The following BCO2 variants were observed in gnomAD, a reference collection of about 807,000 sequenced individuals.
BCO2 encodes the protein carotenoid-cleaving dioxygenase, mitochondrial.
In BCO2, 56 loss-of-function variants were observed where a neutral mutation model predicts 65.8. That is an observed-to-expected ratio of 0.85 (90% confidence interval 0.69 to 1.06). The LOEUF is 1.06. Ranked by LOEUF, BCO2 falls within the 50% of genes least tolerant of loss-of-function variation. The pLI is 0.00. For synonymous variants in BCO2, 233 were observed against 242.3 expected (o/e 0.96, Z 0.36); for missense variants, 675 against 698.5 (o/e 0.97, Z 0.38).
intron 8 of BCO2, among the ~76,000 whole-genome samples, chr11:112,209,443 G>A (rs1038649146): frequency 2.6e-5 from 4 of 152,014 alleles, no homozygotes; most frequent in African/African-American, 9.7e-5. Flanking sequence ...TCTTTTTATC[G>A]CTGAAATGTG....
intron 8 of BCO2, among the ~76,000 whole-genome samples, chr11:112,208,167 G>A (rs1859400562): frequency 6.6e-6 from 1 of 151,964 alleles, no homozygotes; most frequent in Non-Finnish European, 1.5e-5. Context: ...TCACCATGTT[G>A]GCCAGGCTGG....
At position 112,200,740 on chromosome 11, in the gene BCO2, G is replaced by C. The variant is rs139911945; in HGVS notation, c.993G>C (p.Thr331=). The change falls in exon 7 of 12, where the codon ACG becomes ACC. Residue 331 remains threonine (T), a synonymous_variant. Coordinates refer to ENST00000357685, the MANE Select transcript of BCO2 (RefSeq NM_031938.7). ...TAAGCTGGGAACCCCAGTGTAATAC[G>C]CGGTTTCATGTGGTGGAAAAACGCA... is the stretch of plus-strand genomic sequence containing the variant. ...DGISWEPQCN[T]RFHVVEKRTG... 6.2e-7 allele frequency: 1 copy of C among 1,613,828 alleles called. No homozygotes were observed. The highest frequency in any genetic ancestry group is 8.5e-7 in the Non-Finnish European group (1 of 1,179,922).
chr11:112,217,047 G>A (rs1859699255), intron 11 of BCO2, among the ~76,000 whole-genome samples: 1 of 152,188 alleles, frequency 6.6e-6, no homozygotes, highest in Non-Finnish European at 1.5e-5. Context: ...GCCTTGCAAT[G>A]CTGGCCTTTA....
intron 2 of BCO2, among the ~76,000 whole-genome samples, chr11:112,193,235 C>T (rs1592846894): frequency 6.6e-6 from 1 of 151,920 alleles, no homozygotes; most frequent in South Asian, 2.1e-4. Flanking sequence ...ACCTCGGCCT[C>T]CCAAAGTGCT....
chr11:112,192,621 A>G (rs1383235769), intron 2 of BCO2, among the ~76,000 whole-genome samples: 1 of 151,734 alleles, frequency 6.6e-6, no homozygotes, highest in Non-Finnish European at 1.5e-5. Flanking sequence ...TAATACATAT[A>G]AGATATGAAG....
At position 112,199,759 on chromosome 11, in the gene BCO2, A is replaced by G. The variant is rs769886791; in HGVS notation, c.797A>G (p.His266Arg). Residue 266 changes from histidine (H) to arginine (R), a missense_variant, in exon 6 of 12, where the codon CAT (histidine) becomes CGT (arginine). By Grantham distance (29) the His-to-Arg change is conservative. Transcript: ENST00000357685. ...AAGGTGGACCTTGGGGAGACAATCC[A>G]TGGAGTCCAGGTGATATGTTCTATT... ...PEKVDLGETI[H>R]GVQVICSIAS... 1.2e-6 allele frequency: 2 copies of G among 1,613,802 alleles called. No homozygotes were observed. Among genetic ancestry groups the G allele is most frequent in the African/African-American group, 1.3e-5 (1 of 75,056 alleles).
Position 112,199,705 on chromosome 11 carries a change from C to G in BCO2, c.743C>G (p.Ser248Cys). The part of the protein sequence containing the change: ...MGNSFGPYGF[S>C]YKVIRVPPEK... Reference sequence around the variant, plus strand: ...AGGACTTTTCATTTTTCAGGTTTCTCCTATAAGGTTATTCGGGTTCCTCCA... The same window carrying G: ...AGGACTTTTCATTTTTCAGGTTTCTGCTATAAGGTTATTCGGGTTCCTCCA... Residue 248 changes from serine to cysteine, a missense_variant, in exon 6 of 12, where the codon TCC becomes TGC. Coordinates refer to ENST00000357685, the MANE Select transcript of BCO2 (RefSeq NM_031938.7). The G allele has an allele frequency of 6.2e-7, 1 of 1,613,410 alleles. No homozygotes were observed. Among genetic ancestry groups the G allele is most frequent in the African/African-American group, 1.3e-5 (1 of 75,004 alleles).
intron 2 of BCO2, among the ~76,000 whole-genome samples, chr11:112,183,793 G>C (rs1202312968): frequency 6.6e-6 from 1 of 152,174 alleles, no homozygotes; most frequent in Non-Finnish European, 1.5e-5. Context: ...AAAAACAGTA[G>C]CTAAATTAAA....
chr11:112,181,177 T>TTTA, intron 2 of BCO2: 16 of 799,872 alleles, frequency 2.0e-5, no homozygotes, highest in Non-Finnish European at 2.8e-5. Context: ...ATAGAGGAGC[T>TTTA]TTCTTTTTTT....
At chr11:112,191,625 A>G (rs774492710) in intron 2 of BCO2, among the ~76,000 whole-genome samples, 5 of 152,298 alleles carry the variant, frequency 3.3e-5, no homozygotes, top group Middle Eastern at 6.8e-3. Context: ...AATTGATACT[A>G]AAGTTCATAT....
chr11:112,186,725 A>T (rs1215507488), intron 2 of BCO2, among the ~76,000 whole-genome samples: 2 of 152,174 alleles, frequency 1.3e-5, no homozygotes, highest in African/African-American at 4.8e-5. Flanking sequence ...GGTGTGGTTG[A>T]TCACACCTAT....
chr11:112,187,379 G>T lies in BCO2; in HGVS notation c.294-6095G>T, dbSNP rs1194582188. On this transcript the variant is annotated intron_variant, in intron 2 of 11. Coordinates refer to ENST00000357685, the MANE Select transcript of BCO2 (RefSeq NM_031938.7). ...CTCATGGCCCAGTCCTGCTGAGCAG[G>T]TCTAGAGCAAATCATACAACCTTGC... Among the ~76,000 whole-genome samples the T allele has an allele frequency of 2.0e-5, 3 of 151,770 alleles. No homozygotes were observed. In the South Asian group the frequency reaches 6.3e-4, roughly 32 times the overall value.
intron 2 of BCO2, 34 bp from the exon 3 acceptor site, chr11:112,193,440 T>TTAC: frequency 6.4e-7 from 1 of 1,563,982 alleles, no homozygotes; most frequent in Non-Finnish European, 8.8e-7. Flanking sequence ...TCATGTTTTC[T>TTAC]TACTGATATT....
intron 11 of BCO2, 49 bp downstream of exon 11, chr11:112,216,379 C>A: frequency 7.6e-7 from 1 of 1,315,084 alleles, no homozygotes; most frequent in South Asian, 1.2e-5. Context: ...AGCACTGAGT[C>A]ATCTGATAAA....
In BCO2 at chr11:112,213,861, G is replaced by A. The variant is rs765659103; in HGVS notation, c.1332G>A (p.Thr444=). ...SASAVKQADG[T]IWCSHENLHQ... ...GTGCTGTGAAACAGGCTGATGGAAC[G>A]GTATGCTATGAACAGACATTAGACT... Residue 444 remains threonine, a splice_region_variant and synonymous_variant, in exon 9 of 12, where the codon ACG becomes ACA. Coordinates refer to ENST00000357685, the MANE Select transcript of BCO2 (RefSeq NM_031938.7). 25 of 1,560,342 alleles carry A rather than the reference G, an allele frequency of 1.6e-5. No homozygotes were observed. The highest frequency in any genetic ancestry group is 6.7e-5 in the South Asian group (6 of 89,126).
At chr11:112,206,942 A>T (rs879278271) in intron 8 of BCO2, among the ~76,000 whole-genome samples, 9 of 152,276 alleles carry the variant, frequency 5.9e-5, no homozygotes, top group Admixed American at 5.9e-4. Context: ...TGTGTTTTGA[A>T]ATTATTGTAA....
intron 2 of BCO2, among the ~76,000 whole-genome samples, chr11:112,184,725 T>C (rs12795758): frequency 1.8e-4 from 28 of 152,312 alleles, no homozygotes; most frequent in African/African-American, 6.7e-4. Context: ...CCAATTTTCT[T>C]GAGTCATTAT....
intron 8 of BCO2, among the ~76,000 whole-genome samples, chr11:112,205,913 A>G (rs1180557468): frequency 6.6e-6 from 1 of 152,140 alleles, no homozygotes; most frequent in Non-Finnish European, 1.5e-5. Context: ...TTTTTGGAGA[A>G]ATGACTGTTC....
chr11:112,189,047 G>T (rs1867291707), intron 2 of BCO2, among the ~76,000 whole-genome samples: 1 of 152,072 alleles, frequency 6.6e-6, no homozygotes, highest in Non-Finnish European at 1.5e-5. Flanking sequence ...AAAAGGAAAA[G>T]GCACAAACAT....
Sources: allele counts gnomAD v4.1 joint callset (sites outside exome capture counted in the v4.1 genomes callset), GRCh38; gene constraint gnomAD v4.1.1; transcripts MANE v1.5; gene names NCBI Gene and HGNC (gene_info 2026-07-23, HGNC 2026-07-21).